UTRN: variants seen among roughly 807,000 people sequenced by gnomAD.
UTRN encodes the protein dystrophin-related protein 1.
Under a neutral mutation model 463.9 loss-of-function variants are expected in UTRN, and 283 were observed. That is an observed-to-expected ratio of 0.61 (90% CI 0.55 to 0.67). The LOEUF is 0.67. Ranked by LOEUF, UTRN falls within the 30% of genes least tolerant of loss-of-function variation. UTRN has a pLI of 0.00. For missense variants in UTRN, 3,922 were observed against 4,084.3 expected (o/e 0.96, Z 1.08); for synonymous variants, 1,442 against 1,431.5 (o/e 1.01, Z -0.17).
chr6:144,558,716 G>A (rs929986566), intron 50 of UTRN, among the ~76,000 whole-genome samples: 2 of 152,064 alleles, frequency 1.3e-5, no homozygotes, highest in East Asian at 1.9e-4. Flanking sequence ...AGACAGAAAG[G>A]TAGGGGAAGA....
chr6:144,337,615 T>C (rs1776837155), intron 2 of UTRN, among the ~76,000 whole-genome samples: 1 of 152,120 alleles, frequency 6.6e-6, no homozygotes, highest in African/African-American at 2.4e-5. Context: ...ACTTTATTGT[T>C]ATTATTATTA....
chr6:144,420,046 C>G lies in UTRN; in HGVS notation c.142-1832C>G, dbSNP rs181724041. 1.3e-5 allele frequency among the ~76,000 whole-genome samples: 2 copies of G among 151,876 alleles called. 1 individual carries two copies. The highest frequency in any genetic ancestry group is 4.8e-5 in the African/African-American group (2 of 41,406). ...GAGGGAAGGAAGGAAGGAATAATGC[C>G]AAATTTTAGGAAACTTCAGAATGGC... is the stretch of plus-strand genomic sequence containing the variant. On this transcript the variant is annotated intron_variant, in intron 3 of 74. Transcript: ENST00000367545.
chr6:144,561,208 TATATATATATATATATATATATATATATA>T (rs1799844105), intron 50 of UTRN, among the ~76,000 whole-genome samples: 10 of 3,346 alleles, frequency 3.0e-3, no homozygotes, highest in African/African-American at 5.4e-3. Flanking sequence ...AATAACATTA[TATATATATATATATATATATATATATATA>T]TATATATATA....
intron 12 of UTRN, among the ~76,000 whole-genome samples, 169 bp downstream of exon 12, chr6:144,439,064 A>C (rs1786869331): frequency 6.6e-6 from 1 of 152,206 alleles, no homozygotes; most frequent in African/African-American, 2.4e-5. Flanking sequence ...GACTTTTCTG[A>C]GCCAGGGATA....
chr6:144,811,035 C>T (rs1586668385), intron 65 of UTRN, among the ~76,000 whole-genome samples: 1 of 152,038 alleles, frequency 6.6e-6, no homozygotes, highest in Non-Finnish European at 1.5e-5. Context: ...TGAGAAGAAT[C>T]ATATTTTCAG....
rs755473787 is a variant in UTRN at position 144,459,305 on chromosome 6, C to CCT, written c.2659_2660insTC (p.Gln887LeufsTer8). On this transcript the variant is annotated frameshift_variant, in exon 21 of 75. Transcript: ENST00000367545. LOFTEE classifies it high-confidence loss of function. ...GCTTCGATAGCTTTCTGGGCCGCTA[C>CCT]CAAGCTGTACAAGAGGCTGTAGAGG... is the stretch of plus-strand genomic sequence containing the variant. 1.1e-5 allele frequency: 18 copies of CCT among 1,613,886 alleles called. No individual in the cohort carries two copies. Among genetic ancestry groups the CCT allele is most frequent in the Non-Finnish European group, 1.5e-5 (18 of 1,179,960 alleles).
chr6:144,516,997 C>G, intron 39 of UTRN, 49 bp downstream of exon 39: 1 of 1,372,222 alleles, frequency 7.3e-7, no homozygotes, highest in South Asian at 2.2e-5. Context: ...TTACTTAACT[C>G]TTGCCATTCA....
chr6:144,551,790 G>A (rs908103512), intron 48 of UTRN, among the ~76,000 whole-genome samples: 1 of 152,252 alleles, frequency 6.6e-6, no homozygotes, highest in African/African-American at 2.4e-5. Context: ...AGCCCGGCCT[G>A]TAATTATGCT....
chr6:144,364,208 C>T (rs1040201151), intron 2 of UTRN, among the ~76,000 whole-genome samples: 2 of 152,190 alleles, frequency 1.3e-5, no homozygotes, highest in Admixed American at 1.3e-4. Flanking sequence ...CTCTTCTTTT[C>T]GGTGTAACTG....
intron 53 of UTRN, among the ~76,000 whole-genome samples, chr6:144,717,457 C>T (rs1026376695): frequency 6.6e-6 from 1 of 151,988 alleles, no homozygotes; most frequent in African/African-American, 2.4e-5. Context: ...TTGTTTTGCC[C>T]TTTTATTCTG....
At chr6:144,490,017 T>A in intron 30 of UTRN, 54 bp from the exon 31 acceptor site, 1 of 1,578,168 alleles carries the variant, frequency 6.3e-7, no homozygotes, top group South Asian at 1.2e-5. Flanking sequence ...TGTCTCTTTT[T>A]ATACTTAAGT....
chr6:144,602,990 G>A (rs1032277276), intron 51 of UTRN, among the ~76,000 whole-genome samples: 4 of 152,142 alleles, frequency 2.6e-5, no homozygotes, highest in Admixed American at 2.0e-4. Context: ...GATGTGGAAC[G>A]AAACCTGCAA....
intron 51 of UTRN, among the ~76,000 whole-genome samples, chr6:144,598,233 G>A (rs1302392382): frequency 3.9e-5 from 6 of 152,154 alleles, no homozygotes; most frequent in Admixed American, 1.3e-4. Flanking sequence ...GAAAATAGAC[G>A]TCCATCAATA....
chr6:144,447,208 T>C lies in UTRN; in HGVS notation c.1615-3T>C. On this transcript the variant is annotated splice_region_variant and splice_polypyrimidine_tract_variant and intron_variant, in intron 14 of 74. Transcript: ENST00000367545. ...AAAGTTCAACTTTTGTTATTACTTG[T>C]AGTGCTTGTTGAAAGCTTGGTTAAC... 6.2e-7 allele frequency: 1 copy of C among 1,613,338 alleles called. No homozygotes were observed. Among genetic ancestry groups the C allele is most frequent in the Non-Finnish European group, 8.5e-7 (1 of 1,179,558 alleles).
chr6:144,669,630 G>C (rs1780786775), intron 51 of UTRN, among the ~76,000 whole-genome samples: 1 of 152,024 alleles, frequency 6.6e-6, no homozygotes, highest in Non-Finnish European at 1.5e-5. Context: ...GGTGATGTTT[G>C]GTTACATCCA....
At chr6:144,535,115 C>G (rs1797411095) in intron 43 of UTRN, among the ~76,000 whole-genome samples, 1 of 152,192 alleles carries the variant, frequency 6.6e-6, no homozygotes, top group African/African-American at 2.4e-5. Context: ...GAGTCTCGCT[C>G]TGTCACCCAG....
At chr6:144,464,523 G>A (rs185117232) in intron 23 of UTRN, among the ~76,000 whole-genome samples, 2 of 151,020 alleles carry the variant, frequency 1.3e-5, no homozygotes, top group Admixed American at 1.3e-4. Context: ...TTTTTGAGAT[G>A]GAGTCTTGCT....
At chr6:144,287,171 G>T (rs529296865) in intron 1 of UTRN, among the ~76,000 whole-genome samples, 7 of 152,226 alleles carry the variant, frequency 4.6e-5, no homozygotes, top group Non-Finnish European at 7.3e-5. Flanking sequence ...GGGAGAGGTG[G>T]AGGAATGCGA....
intron 1 of UTRN, among the ~76,000 whole-genome samples, chr6:144,288,607 T>G (rs1306994307): frequency 6.6e-6 from 1 of 152,192 alleles, no homozygotes; most frequent in African/African-American, 2.4e-5. Context: ...TTTATAGTTA[T>G]GTACTTGAAT....
Sources: gnomAD v4.1 joint callset for allele counts (sites outside exome capture counted in the v4.1 genomes callset) on GRCh38, gnomAD v4.1.1 for gene constraint, MANE v1.5 for transcripts, NCBI Gene and HGNC (gene_info 2026-07-23, HGNC 2026-07-21) for gene names.